Variants in RAPGEF5 observed in about 807,000 individuals in gnomAD.
The protein encoded by RAPGEF5 is Rap guanine nucleotide exchange factor 5.
RAPGEF5 carries 65 observed loss-of-function variants against 125.2 expected under a neutral mutation model. The observed-to-expected ratio is 0.52, with a 90% confidence interval of 0.43 to 0.64. The LOEUF (loss-of-function observed/expected upper bound fraction) is 0.64. RAPGEF5 is among the 30% of genes least tolerant of loss of function. The probability of loss-of-function intolerance (pLI) is 0.00; values close to 1 mark genes in which losing one functional copy is unlikely to be tolerated. For synonymous variants in RAPGEF5, 391 were observed against 385.9 expected (o/e 1.01, Z -0.16); for missense variants, 958 against 1,048.1 (o/e 0.91, Z 1.19).
intron 11 of RAPGEF5, among the ~76,000 whole-genome samples, chr7:22,186,687 A>G (rs1784835094): frequency 6.6e-6 from 1 of 152,210 alleles, no homozygotes; most frequent in African/African-American, 2.4e-5. Flanking sequence ...AAATTTTTCT[A>G]AGGTATTCAG....
chr7:22,154,663 T>C, intron 16 of RAPGEF5, 59 bp from the exon 17 acceptor site: 2 of 1,559,642 alleles, frequency 1.3e-6, no homozygotes, highest in East Asian at 2.3e-5. Context: ...GGTATAGACT[T>C]TTCCAAATCA....
Position 22,145,233 on chromosome 7 carries a change from A to G in RAPGEF5, c.2008-11T>C. On this transcript the variant is annotated splice_polypyrimidine_tract_variant and intron_variant, in intron 19 of 25. Coordinates refer to ENST00000665637, the MANE Select transcript of RAPGEF5 (RefSeq NM_012294.5). ...GTAGATCAGCTCTTGCTGAAAGAAA[A>G]TGTATTCATGCCAGGGTTTATTTAT... is the stretch of plus-strand genomic sequence containing the variant. 1 of 1,600,526 alleles carries G rather than the reference A, an allele frequency of 6.2e-7. No homozygotes were observed. Among genetic ancestry groups the G allele is most frequent in the East Asian group, 2.2e-5 (1 of 44,472 alleles).
chr7:22,335,977 AT>A (rs2128158693), intron 1 of RAPGEF5, among the ~76,000 whole-genome samples: 1 of 152,286 alleles, frequency 6.6e-6, no homozygotes, highest in South Asian at 2.1e-4. Flanking sequence ...CCAGAAACCT[AT>A]TTGGTGTTCT....
intron 1 of RAPGEF5, among the ~76,000 whole-genome samples, chr7:22,339,163 C>G (rs1324768890): frequency 6.6e-6 from 1 of 152,188 alleles, no homozygotes. Flanking sequence ...ACTGTGCATG[C>G]AGCCCCTCCC....
At chr7:22,152,503 A>G (rs1174495667) in intron 17 of RAPGEF5, among the ~76,000 whole-genome samples, 3 of 152,218 alleles carry the variant, frequency 2.0e-5, no homozygotes, top group Non-Finnish European at 4.4e-5. Flanking sequence ...AAAGATTAAA[A>G]CTGATAGAAT....
At chr7:22,222,966 G>T (rs1209649094) in intron 8 of RAPGEF5, among the ~76,000 whole-genome samples, 3 of 121,096 alleles carry the variant, frequency 2.5e-5, no homozygotes, top group East Asian at 4.2e-4. Context: ...TGAAAGGATG[G>T]AGTTGTCATG....
At chr7:22,172,209 G>A (rs986004579) in intron 11 of RAPGEF5, among the ~76,000 whole-genome samples, 1 of 151,836 alleles carries the variant, frequency 6.6e-6, no homozygotes. Context: ...TGCAATCTCC[G>A]CCTCCTGGGT....
At chr7:22,340,748 A>C (rs557218342) in intron 1 of RAPGEF5, among the ~76,000 whole-genome samples, 1 of 152,226 alleles carries the variant, frequency 6.6e-6, no homozygotes, top group African/African-American at 2.4e-5. Flanking sequence ...CGTTCCCCCT[A>C]AGAGGTGATG....
At chr7:22,309,229 T>C (rs936116248) in intron 4 of RAPGEF5, among the ~76,000 whole-genome samples, 1 of 152,230 alleles carries the variant, frequency 6.6e-6, no homozygotes, top group Non-Finnish European at 1.5e-5. Context: ...AGTTAACTAA[T>C]TTTATAAATA....
At chr7:22,140,222 T>C in intron 20 of RAPGEF5, 107 bp from the exon 21 acceptor site, 1 of 1,001,530 alleles carries the variant, frequency 1.0e-6, no homozygotes, top group East Asian at 2.7e-5. Context: ...AGCTCAGGAA[T>C]TCTGCTCTAC....
intron 5 of RAPGEF5, among the ~76,000 whole-genome samples, chr7:22,303,470 C>T (rs912318938): frequency 1.1e-4 from 16 of 152,236 alleles, no homozygotes; most frequent in Non-Finnish European, 2.2e-4. Flanking sequence ...GAAAAATCCC[C>T]TTTACTATTT....
chr7:22,327,373 T>C (rs1210003513), intron 1 of RAPGEF5, among the ~76,000 whole-genome samples: 2 of 152,242 alleles, frequency 1.3e-5, no homozygotes, highest in East Asian at 1.9e-4. Flanking sequence ...ATTACATGAA[T>C]CTTAAAGATA....
At chr7:22,135,878 TC>T (rs1783064264) in intron 23 of RAPGEF5, among the ~76,000 whole-genome samples, 159 bp downstream of exon 23, 1 of 152,296 alleles carries the variant, frequency 6.6e-6, no homozygotes, top group East Asian at 1.9e-4. Flanking sequence ...TCAAAAATAA[TC>T]GGCTATTTGA....
At chr7:22,144,070 A>AT (rs1271617801) in intron 20 of RAPGEF5, among the ~76,000 whole-genome samples, 26 of 152,352 alleles carry the variant, frequency 1.7e-4, no homozygotes, top group Admixed American at 1.2e-3. Flanking sequence ...GAAGATTTTG[A>AT]TTCATGCTCC....
intron 7 of RAPGEF5, among the ~76,000 whole-genome samples, chr7:22,260,805 T>C (rs1280674150): frequency 6.6e-6 from 1 of 152,146 alleles, no homozygotes; most frequent in Non-Finnish European, 1.5e-5. Flanking sequence ...AGACTTGCCT[T>C]ACCCACCCAA....
chr7:22,301,151 T>A (rs1468618362), intron 5 of RAPGEF5, among the ~76,000 whole-genome samples: 4 of 152,240 alleles, frequency 2.6e-5, no homozygotes, highest in Admixed American at 2.6e-4. Flanking sequence ...AGGTTTCAGC[T>A]GTAATCAATA....
At chr7:22,162,337 C>T (rs1461057546) in intron 13 of RAPGEF5, 60 bp downstream of exon 13, 4 of 1,466,630 alleles carry the variant, frequency 2.7e-6, no homozygotes, top group Middle Eastern at 1.8e-4. Context: ...TTTTAAAATG[C>T]ATAACTAAAA....
intron 9 of RAPGEF5, among the ~76,000 whole-genome samples, chr7:22,201,309 A>G (rs1045769797): frequency 1.1e-4 from 17 of 152,220 alleles, no homozygotes; most frequent in Admixed American, 7.8e-4. Context: ...GCTGCATCCC[A>G]TTCAGAGCAG....
At chr7:22,350,481 T>C (rs950100225) in intron 1 of RAPGEF5, among the ~76,000 whole-genome samples, 2 of 152,230 alleles carry the variant, frequency 1.3e-5, no homozygotes, top group Non-Finnish European at 2.9e-5. Flanking sequence ...ACTATTTAAG[T>C]TCCAATGTAC....
Sources: allele counts gnomAD v4.1 joint callset (sites outside exome capture counted in the v4.1 genomes callset), GRCh38; gene constraint gnomAD v4.1.1; transcripts MANE v1.5; gene names NCBI Gene and HGNC (gene_info 2026-07-23, HGNC 2026-07-21).